Variants in B3GNT9 observed in about 807,000 individuals in gnomAD.
The protein encoded by B3GNT9 is UDP-GlcNAc:betaGal beta-1,3-N-acetylglucosaminyltransferase 9.
For missense variants in B3GNT9, 669 were observed against 599.2 expected (o/e 1.12, Z -1.22); for synonymous variants, 359 against 283.9 (o/e 1.26, Z -2.66).
Position 67,149,651 on chromosome 16 carries a change from C to G in B3GNT9, c.835G>C (p.Gly279Arg). 6.2e-7 allele frequency: 1 copy of G among 1,602,456 alleles called. No homozygotes were observed. ...SKYYIPEAVY[G>R]LPAYPAYAGG... Reference sequence around the variant, plus strand: ...GCGTAGGCCGGATAGGCGGGCAGGCCGTACACGGCCTCGGGGATGTAGTAC... The same window carrying G: ...GCGTAGGCCGGATAGGCGGGCAGGCGGTACACGGCCTCGGGGATGTAGTAC... The change falls in exon 2 of 2, where the codon GGC becomes CGC. Residue 279 changes from glycine to arginine, a missense_variant. Gly to Arg is a moderately radical substitution (Grantham distance 125, BLOSUM62 -2). Transcript: ENST00000449549.
In B3GNT9 at chr16:67,150,544, G is replaced by T. The variant is rs2030441866; in HGVS notation, c.-59C>A. 8.1e-7 allele frequency: 1 copy of T among 1,237,266 alleles called. No homozygotes were observed. Among genetic ancestry groups the T allele is most frequent in the East Asian group, 3.2e-5 (1 of 31,612 alleles). 76.6% of individuals were successfully genotyped at this position (1,237,266 alleles called of 1,614,324 possible). On this transcript the variant is annotated 5_prime_UTR_variant, in exon 2 of 2. The change creates a new upstream start codon in the 5' untranslated region. Transcript: ENST00000449549. ...GGGTCGCAGTCGGCAGCAGGGGGCA[G>T]CGAGCCCCGCCCTCCCCAGCTGAGG... is the stretch of plus-strand genomic sequence containing the variant.
rs1326495408 is a variant in B3GNT9 at position 67,150,348 on chromosome 16, T to C, written c.138A>G (p.Ala46=). The change falls in exon 2 of 2, where the codon GCA becomes GCG. Residue 46 remains alanine (A), a synonymous_variant. Transcript: ENST00000449549. Reference sequence around the variant, plus strand: ...CGCGGGGTCCGGGGGTGGGCCTCGGTGCCGCCCTCCCTCGCCCTCGCGGCG... The same window carrying C: ...CGCGGGGTCCGGGGGTGGGCCTCGGCGCCGCCCTCCCTCGCCCTCGCGGCG... The part of the protein sequence containing the change: ...ASAPRGRGRA[A]PRPTPGPRAF... 8 of 1,364,656 alleles carry C rather than the reference T, an allele frequency of 5.9e-6. No individual in the cohort carries two copies. The highest frequency in any genetic ancestry group is 7.6e-6 in the Non-Finnish European group (8 of 1,059,202). 84.5% of individuals were successfully genotyped at this position (1,364,656 alleles called of 1,614,324 possible).
At position 67,149,556 on chromosome 16, in the gene B3GNT9, C is replaced by G; in HGVS notation, c.930G>C (p.Glu310Asp). The G allele has an allele frequency of 6.2e-7, 1 of 1,607,810 alleles. No individual in the cohort carries two copies. Among genetic ancestry groups the G allele is most frequent in the Non-Finnish European group, 8.5e-7 (1 of 1,177,400 alleles). Residue 310 changes from glutamate to aspartate, a missense_variant, in exon 2 of 2, where the codon GAG becomes GAC. Coordinates refer to ENST00000449549, the MANE Select transcript of B3GNT9 (RefSeq NM_033309.3). ...GAAAGACGTCGTCGATGGGGAAGAG[C>G]TCGACCTGCGCACAGGCGCCAGCCA... ...HRLAGACAQV[E>D]LFPIDDVFLG...
In B3GNT9 at chr16:67,150,152, G is replaced by T. The variant is rs777238878; in HGVS notation, c.334C>A (p.Pro112Thr). ...ATAAGCAGGTCCGGGCGGCCACCGGGTGCGCCGTCGCCGCGGCACTTGTGC... is the reference window on the plus strand; with the variant it reads ...ATAAGCAGGTCCGGGCGGCCACCGGTTGCGCCGTCGCCGCGGCACTTGTGC... ...QPHKCRGDGA[P>T]GGRPDLLIAV... is the part of the protein sequence containing the mutation. The change falls in exon 2 of 2, where the codon CCC becomes ACC. Residue 112 changes from proline to threonine, a missense_variant. Physicochemically the swap from Pro to Thr is conservative, Grantham distance 38. Transcript: ENST00000449549. 1.3e-6 allele frequency: 2 copies of T among 1,535,256 alleles called. No individual in the cohort carries two copies. Among genetic ancestry groups the T allele is most frequent in the South Asian group, 1.2e-5 (1 of 81,902 alleles).
Position 67,149,575 on chromosome 16 carries a change from C to T in B3GNT9, c.911G>A (p.Gly304Asp). Residue 304 changes from glycine to aspartate, a missense_variant, in exon 2 of 2, where the codon GGC (glycine) becomes GAC (aspartate). Physicochemically the swap from Gly to Asp is moderately conservative, Grantham distance 94 (BLOSUM62 -1). Coordinates refer to ENST00000449549, the MANE Select transcript of B3GNT9 (RefSeq NM_033309.3). ...LSGATLHRLA[G>D]ACAQVELFPI... ...GAAGAGCTCGACCTGCGCACAGGCG[C>T]CAGCCAGGCGGTGCAGCGTGGCCCC... The T allele has an allele frequency of 6.2e-7, 1 of 1,604,916 alleles. No individual in the cohort carries two copies. The highest frequency in any genetic ancestry group is 8.5e-7 in the Non-Finnish European group (1 of 1,176,086).
rs112298093 is a variant in B3GNT9, at chr16:67,149,956, T to C, written c.530A>G (p.His177Arg). The change falls in exon 2 of 2, where the codon CAC becomes CGC. Residue 177 changes from histidine to arginine, a missense_variant. By Grantham distance (29) the His-to-Arg change is conservative. Transcript: ENST00000449549. ...ADEVGEGART[H>R]WRALLRAESL... ...CTCGGCCCGCAGCAGGGCGCGCCAG[T>C]GGGTTCGCGCGCCCTCCCCAACTTC... 2 of 1,564,032 alleles carry C rather than the reference T, an allele frequency of 1.3e-6. No homozygotes were observed. Among genetic ancestry groups the C allele is most frequent in the Admixed American group, 1.9e-5 (1 of 51,788 alleles).
chr16:67,149,343 C>A lies in B3GNT9; in HGVS notation c.1143G>T (p.Gly381=). 6.2e-7 allele frequency: 1 copy of A among 1,600,784 alleles called. No homozygotes were observed. Among genetic ancestry groups the A allele is most frequent in the Non-Finnish European group, 8.5e-7 (1 of 1,173,840 alleles). ...DIWLMWRLLH[G]PHGPACAHPQ... ...GATGCGCACAGGCTGGCCCATGCGG[C>A]CCGTGCAGCAGGCGCCACATAAGCC... Residue 381 remains glycine (G), a synonymous_variant, in exon 2 of 2, where the codon GGG becomes GGT. Coordinates refer to ENST00000449549, the MANE Select transcript of B3GNT9 (RefSeq NM_033309.3).
At chr16:67,150,721 G>C (rs945918530) in intron 1 of B3GNT9, 50 bp from the exon 2 acceptor site, 15 of 379,924 alleles carry the variant, frequency 3.9e-5, no homozygotes, top group Non-Finnish European at 6.5e-5. Context: ...CGCGGCCTCA[G>C]CTCCGGCCCA....
At position 67,149,861 on chromosome 16, in the gene B3GNT9, T is replaced by G. The variant is rs2030392170; in HGVS notation, c.625A>C (p.Ile209Leu). Residue 209 changes from isoleucine (I) to leucine (L), a missense_variant, in exon 2 of 2, where the codon ATC becomes CTC. Transcript: ENST00000449549. ...DTFFNLTLKEIHFLAWASAFC... is the reference protein window; with the variant it reads ...DTFFNLTLKELHFLAWASAFC... ...GCTGAGGCCCAGGCTAGAAAGTGGATCTCCTTGAGCGTTAGGTTAAAAAAG... is the reference window on the plus strand; with the variant it reads ...GCTGAGGCCCAGGCTAGAAAGTGGAGCTCCTTGAGCGTTAGGTTAAAAAAG... 1 of 1,613,292 alleles carries G rather than the reference T, an allele frequency of 6.2e-7. No homozygotes were observed. Among genetic ancestry groups the G allele is most frequent in the East Asian group, 2.2e-5 (1 of 44,834 alleles).
intron 1 of B3GNT9, 41 bp downstream of exon 1, chr16:67,150,824 G>A: frequency 8.9e-6 from 2 of 224,890 alleles, no homozygotes; most frequent in Middle Eastern, 1.3e-3. Context: ...CTTCCACCCT[G>A]CCATCCCCTC....
chr16:67,149,452 G>C lies in B3GNT9; in HGVS notation c.1034C>G (p.Ser345Ter). 1 of 1,607,636 alleles carries C rather than the reference G, an allele frequency of 6.2e-7. No homozygotes were observed. ...AFRTFGIPQP[S>*]AAPHLSTFDP... Reference sequence around the variant, plus strand: ...GAAGGTGCTCAAATGCGGCGCGGCTGAAGGCTGGGGGATGCCAAAGGTGCG... The same window carrying C: ...GAAGGTGCTCAAATGCGGCGCGGCTCAAGGCTGGGGGATGCCAAAGGTGCG... Residue 345 changes from serine (S) to a stop codon, truncating the protein, a stop_gained, in exon 2 of 2, where the codon TCA (serine) becomes TGA (stop). Coordinates refer to ENST00000449549, the MANE Select transcript of B3GNT9 (RefSeq NM_033309.3). LOFTEE classifies it low-confidence loss of function (END_TRUNC).
At chr16:67,150,778 T>TC (rs2145904548) in intron 1 of B3GNT9, 87 bp downstream of exon 1, 1 of 293,832 alleles carries the variant, frequency 3.4e-6, no homozygotes, top group Admixed American at 5.2e-5. Flanking sequence ...CCTCGGCCCC[T>TC]CCCCCGCCCG....
Position 67,149,085 on chromosome 16 carries a change from A to T in B3GNT9, c.*192T>A. The T allele has an allele frequency of 8.1e-7, 1 of 1,236,316 alleles. No individual in the cohort carries two copies. The allele number at this position is 1,236,316 out of a possible 1,614,324, so 76.6% of individuals were successfully genotyped here. On this transcript the variant is annotated 3_prime_UTR_variant, in exon 2 of 2. Coordinates refer to ENST00000449549, the MANE Select transcript of B3GNT9 (RefSeq NM_033309.3). ...TACCACCCAGCCTTGGCTCGCTCAA[A>T]GGGTCACCATTACACGGGTTTCAAC... is the stretch of plus-strand genomic sequence containing the variant.
In B3GNT9 at chr16:67,149,658, G is replaced by A. The variant is rs753058635; in HGVS notation, c.828C>T (p.Ala276=). The A allele has an allele frequency of 5.6e-6, 9 of 1,604,130 alleles. No homozygotes were observed. Among genetic ancestry groups the A allele is most frequent in the African/African-American group, 1.3e-5 (1 of 74,744 alleles). The change falls in exon 2 of 2, where the codon GCC becomes GCT. Residue 276 remains alanine, a synonymous_variant. Coordinates refer to ENST00000449549, the MANE Select transcript of B3GNT9 (RefSeq NM_033309.3). ...TRASKYYIPE[A]VYGLPAYPAY... ...CCGGATAGGCGGGCAGGCCGTACAC[G>A]GCCTCGGGGATGTAGTACTTGCTAG...
Position 67,149,019 on chromosome 16 carries a change from T to C in B3GNT9, c.*258A>G. Reference sequence around the variant, plus strand: ...TCTGTGCTACTAGGAGGACCAGACATATCCACTGCTCTGGGACCTGTTGGA... The same window carrying C: ...TCTGTGCTACTAGGAGGACCAGACACATCCACTGCTCTGGGACCTGTTGGA... On this transcript the variant is annotated 3_prime_UTR_variant, in exon 2 of 2. Transcript: ENST00000449549. 1.8e-6 allele frequency: 1 copy of C among 548,710 alleles called. No homozygotes were observed. Among genetic ancestry groups the C allele is most frequent in the Non-Finnish European group, 2.8e-6 (1 of 351,848 alleles). 34.0% of individuals were successfully genotyped at this position (548,710 alleles called of 1,614,324 possible). A position where few individuals can be genotyped will look rare whatever the true frequency, so the allele number is the denominator to read the frequency against.
rs946145739 is a variant in B3GNT9, at chr16:67,150,371, G to C, written c.115C>G (p.Pro39Ala). 1.5e-6 allele frequency: 2 copies of C among 1,347,546 alleles called. No individual in the cohort carries two copies. The highest frequency in any genetic ancestry group is 1.5e-5 in the African/African-American group (1 of 65,020). 83.5% of individuals were successfully genotyped at this position (1,347,546 alleles called of 1,614,324 possible). Reference sequence around the variant, plus strand: ...GGTGCCGCCCTCCCTCGCCCTCGCGGCGCGCTCGCCGTCGGGGCCGCGCCG... The same window carrying C: ...GGTGCCGCCCTCCCTCGCCCTCGCGCCGCGCTCGCCGTCGGGGCCGCGCCG... Reference protein sequence around the residue: ...RDGAAPTASAPRGRGRAAPRP... With the variant: ...RDGAAPTASAARGRGRAAPRP... The change falls in exon 2 of 2, where the codon CCG becomes GCG. Residue 39 changes from proline to alanine, a missense_variant. Pro to Ala is a conservative substitution (Grantham distance 27, BLOSUM62 -1). Transcript: ENST00000449549.
chr16:67,149,130 C>A lies in B3GNT9; in HGVS notation c.*147G>T. ...TTCAACTGGTTCCAGCAGGGTGGAC[C>A]GCCAGGAGCCAAGCTTAACCCCCAT... On this transcript the variant is annotated 3_prime_UTR_variant, in exon 2 of 2. Transcript: ENST00000449549. 1 of 1,405,404 alleles carries A rather than the reference C, an allele frequency of 7.1e-7. No homozygotes were observed. Among genetic ancestry groups the A allele is most frequent in the Non-Finnish European group, 9.3e-7 (1 of 1,077,074 alleles). The allele number at this position is 1,405,404 out of a possible 1,614,324, so 87.1% of individuals were successfully genotyped here.
In B3GNT9 at chr16:67,150,853, C is replaced by T. The variant is rs2030454658; in HGVS notation, c.-187+12G>A. 5.6e-6 allele frequency: 1 copy of T among 178,800 alleles called. No homozygotes were observed. Among genetic ancestry groups the T allele is most frequent in the Non-Finnish European group, 1.2e-5 (1 of 86,010 alleles). 11.1% of individuals were successfully genotyped at this position (178,800 alleles called of 1,614,324 possible). A position where few individuals can be genotyped will look rare whatever the true frequency, so the allele number is the denominator to read the frequency against. ...TCCCCTCAATGTCGGGCCCTGGGGT[C>T]CCGACACTCACGCTCGGCCCTCGGA... On this transcript the variant is annotated intron_variant, in intron 1 of 1. Transcript: ENST00000449549.
rs552206907 is a variant in B3GNT9, at chr16:67,149,345, C to T, written c.1141G>A (p.Gly381Arg). 8 of 1,600,872 alleles carry T rather than the reference C, an allele frequency of 5.0e-6. No homozygotes were observed. The highest frequency in any genetic ancestry group is 6.8e-6 in the Non-Finnish European group (8 of 1,173,936). ...DIWLMWRLLH[G>R]PHGPACAHPQ... ...TGCGCACAGGCTGGCCCATGCGGCC[C>T]GTGCAGCAGGCGCCACATAAGCCAG... The change falls in exon 2 of 2, where the codon GGG (glycine) becomes AGG (arginine). Residue 381 changes from glycine (G) to arginine (R), a missense_variant. Transcript: ENST00000449549.
Sources: allele counts gnomAD v4.1 joint callset, GRCh38; gene constraint gnomAD v4.1.1; transcripts MANE v1.5; gene names NCBI Gene and HGNC (gene_info 2026-07-23, HGNC 2026-07-21).